The following CPQ variants were observed in gnomAD, a reference collection of about 807,000 sequenced individuals.
The protein encoded by CPQ is carboxypeptidase Q, also known as Ser-Met dipeptidase.
In CPQ, 37 loss-of-function variants were observed where a neutral mutation model predicts 45.7. The ratio of observed to expected loss-of-function variants is 0.81; its 90% confidence interval spans 0.62 to 1.07. The LOEUF is 1.07. Among genes scored for constraint, CPQ ranks in the 50% least tolerant of loss-of-function variants. The pLI, the probability that CPQ is intolerant of heterozygous loss-of-function variation, is 0.00. For synonymous variants in CPQ, 186 were observed against 205.8 expected, an observed-to-expected ratio of 0.90 and a Z score of 0.82; for missense variants, 537 against 572.9, an observed-to-expected ratio of 0.94 and a Z score of 0.64.
At chr8:96,767,707 G>T (rs1051100376) in intron 1 of CPQ, among the ~76,000 whole-genome samples, 7 of 136,412 alleles carry the variant, frequency 5.1e-5, no homozygotes, top group Non-Finnish European at 9.2e-5. Flanking sequence ...GCAATGGTGC[G>T]ATATCAGCTC....
chr8:96,648,174 G>A (rs1179788638), intron 1 of CPQ, among the ~76,000 whole-genome samples: 3 of 152,134 alleles, frequency 2.0e-5, no homozygotes, highest in Non-Finnish European at 4.4e-5. Flanking sequence ...TAGCCCCATG[G>A]AAAGCAGAGA....
At chr8:97,135,954 T>C (rs1812050670) in intron 7 of CPQ, among the ~76,000 whole-genome samples, 1 of 152,202 alleles carries the variant, frequency 6.6e-6, no homozygotes. Flanking sequence ...AATGGTGACT[T>C]TGAGAATCTT....
chr8:97,110,512 A>G (rs1811482468), intron 7 of CPQ, among the ~76,000 whole-genome samples: 1 of 152,212 alleles, frequency 6.6e-6, no homozygotes, highest in African/African-American at 2.4e-5. Context: ...GGTTAAATAT[A>G]TGTTTAACTT....
intron 2 of CPQ, among the ~76,000 whole-genome samples, chr8:96,807,593 T>C (rs1327030377): frequency 6.6e-6 from 1 of 152,206 alleles, no homozygotes; most frequent in African/African-American, 2.4e-5. Context: ...TAGAAGCATA[T>C]TGTATGCACA....
chr8:96,658,386 A>C (rs747819147), intron 1 of CPQ, among the ~76,000 whole-genome samples: 19 of 152,344 alleles, frequency 1.2e-4, no homozygotes, highest in Admixed American at 5.2e-4. Flanking sequence ...ACCATCACCT[A>C]TGTGACTTTG....
chr8:96,802,902 G>C (rs62507343), intron 2 of CPQ, among the ~76,000 whole-genome samples: 1 of 151,904 alleles, frequency 6.6e-6, no homozygotes, highest in Admixed American at 6.6e-5. Flanking sequence ...ATTATCCTAC[G>C]AAGACTTAAG....
intron 7 of CPQ, among the ~76,000 whole-genome samples, chr8:97,079,402 T>A (rs189036857): frequency 1.3e-5 from 2 of 152,354 alleles, no homozygotes; most frequent in East Asian, 3.9e-4. Flanking sequence ...ATTTGTTGTT[T>A]ACTATGTGTC....
intron 1 of CPQ, among the ~76,000 whole-genome samples, chr8:96,783,567 C>A (rs1306456960): frequency 1.3e-5 from 2 of 152,098 alleles, no homozygotes; most frequent in Non-Finnish European, 2.9e-5. Context: ...CCTTATAATA[C>A]CGTCACAAGC....
At chr8:96,955,461 C>T (rs989007786) in intron 4 of CPQ, among the ~76,000 whole-genome samples, 1 of 152,038 alleles carries the variant, frequency 6.6e-6, no homozygotes, top group Admixed American at 6.6e-5. Flanking sequence ...AGGTAATTTA[C>T]AGATTCAATG....
At chr8:96,676,637 C>T (rs572393831) in intron 1 of CPQ, among the ~76,000 whole-genome samples, 2 of 151,966 alleles carry the variant, frequency 1.3e-5, no homozygotes, top group Admixed American at 1.3e-4. Context: ...GGTATCCCTT[C>T]GATATACTGA....
intron 4 of CPQ, among the ~76,000 whole-genome samples, chr8:96,885,585 G>T (rs111682278): frequency 1.3e-5 from 2 of 152,206 alleles, no homozygotes; most frequent in Non-Finnish European, 2.9e-5. Context: ...TGGGCAAAAT[G>T]TGGTAAATAT....
At chr8:96,931,207 A>T (rs2130918682) in intron 4 of CPQ, among the ~76,000 whole-genome samples, 1 of 152,320 alleles carries the variant, frequency 6.6e-6, no homozygotes, top group African/African-American at 2.4e-5. Flanking sequence ...TTTTTGCCTT[A>T]TAGCCATGCT....
chr8:96,938,443 G>C (rs1176887526), intron 4 of CPQ, among the ~76,000 whole-genome samples: 3 of 152,176 alleles, frequency 2.0e-5, no homozygotes, highest in Non-Finnish European at 4.4e-5. Context: ...TTGAGGTTTA[G>C]TTTAATAAAG....
At chr8:97,081,214 C>G (rs10955099) in intron 7 of CPQ, among the ~76,000 whole-genome samples, 1 of 152,076 alleles carries the variant, frequency 6.6e-6, no homozygotes, top group Non-Finnish European at 1.5e-5. Flanking sequence ...CACTATACTG[C>G]GAAGTGCACT....
chr8:97,046,465 A>C (rs1266211884), intron 6 of CPQ, among the ~76,000 whole-genome samples: 29 of 152,224 alleles, frequency 1.9e-4, no homozygotes, highest in Admixed American at 1.9e-3. Context: ...ACACAGCAAA[A>C]CATGTATAAA....
chr8:96,851,208 C>G (rs923892757), intron 3 of CPQ, among the ~76,000 whole-genome samples: 1 of 152,102 alleles, frequency 6.6e-6, no homozygotes, highest in African/African-American at 2.4e-5. Flanking sequence ...ATCTGTTTTT[C>G]AACTTGAGAG....
chr8:97,056,674 T>C (rs1810460258), intron 6 of CPQ: 1 of 152,218 alleles, frequency 6.6e-6, no homozygotes, highest in African/African-American at 2.4e-5. Context: ...TTTATCCTTT[T>C]AGAGATTGCC....
intron 7 of CPQ, among the ~76,000 whole-genome samples, chr8:97,104,318 G>A (rs1041083146): frequency 2.6e-5 from 4 of 152,078 alleles, no homozygotes; most frequent in South Asian, 2.1e-4. Context: ...AATCTAAGTC[G>A]TCATGGCTTA....
chr8:97,047,567 A>G (rs912982728), intron 6 of CPQ, among the ~76,000 whole-genome samples: 4 of 152,206 alleles, frequency 2.6e-5, no homozygotes, highest in Non-Finnish European at 1.5e-5. Context: ...TTATATTCAC[A>G]CTTTCTTGGT....
Sources: gnomAD v4.1 joint callset for allele counts (sites outside exome capture counted in the v4.1 genomes callset) on GRCh38, gnomAD v4.1.1 for gene constraint, MANE v1.5 for transcripts, NCBI Gene and HGNC (gene_info 2026-07-23, HGNC 2026-07-21) for gene names.